LMNA: variants seen among roughly 807,000 people sequenced by gnomAD.
LMNA encodes lamin.
In LMNA, 20 loss-of-function variants were observed where a neutral mutation model predicts 70.4. The observed-to-expected ratio is 0.28, with a 90% CI of 0.20 to 0.41. LMNA has a LOEUF of 0.41. Among genes scored for constraint, LMNA ranks in the 10% least tolerant of loss-of-function variants. LMNA has a pLI of 1.00. For synonymous variants in LMNA, 339 were observed against 372.8 expected, an observed-to-expected ratio of 0.91 and a Z score of 1.04; for missense variants, 652 against 917.2, an observed-to-expected ratio of 0.71 and a Z score of 3.73.
At chr1:156,092,649 G>A (rs530939372) in intron 3 of LMNA, among the ~76,000 whole-genome samples, 6 of 150,608 alleles carry the variant, frequency 4.0e-5, no homozygotes, top group African/African-American at 1.5e-4. Flanking sequence ...ACTGCACTCC[G>A]GCTCTAGACA....
intron 2 of LMNA, among the ~76,000 whole-genome samples, chr1:156,087,193 T>C (rs1228239622): frequency 6.6e-6 from 1 of 152,104 alleles, no homozygotes; most frequent in Non-Finnish European, 1.5e-5. Context: ...CCTAGTTAGC[T>C]GAGCCTTCTC....
At chr1:156,123,051 A>T (rs986579929) in intron 1 of LMNA, 8 of 152,256 alleles carry the variant, frequency 5.3e-5, no homozygotes, top group African/African-American at 1.9e-4. Context: ...GGCAGAGTGG[A>T]GAGTGGACAG....
In LMNA at chr1:156,137,933, G is replaced by T; in HGVS notation, c.1698+190G>T. The T allele has an allele frequency of 7.2e-6, 9 of 1,243,032 alleles. No individual in the cohort carries two copies. Among genetic ancestry groups the T allele is most frequent in the Non-Finnish European group, 9.9e-6 (9 of 913,088 alleles). The allele number at this position is 1,243,032 out of a possible 1,614,324, so 77.0% of individuals were successfully genotyped here. ...GAACAGGGAACCCAGGTGTCTGGGT[G>T]CCCTACTCTGGTAAGGAAGGGAGTG... On this transcript the variant is annotated intron_variant, in intron 10 of 11. Coordinates refer to ENST00000368300, the MANE Select transcript of LMNA (RefSeq NM_170707.4). The surrounding 1 kb of genome is among the most constrained non-coding windows in gnomAD (Gnocchi z 4.6).
intron 1 of LMNA, among the ~76,000 whole-genome samples, chr1:156,119,286 T>G (rs1259623698): frequency 2.0e-5 from 3 of 152,054 alleles, no homozygotes; most frequent in African/African-American, 7.2e-5. Flanking sequence ...CCCAGTTAAT[T>G]TTTGTATTTT....
intron 1 of LMNA, among the ~76,000 whole-genome samples, chr1:156,121,790 T>C (rs1333272342): frequency 6.6e-6 from 1 of 152,008 alleles, no homozygotes; most frequent in Non-Finnish European, 1.5e-5. Flanking sequence ...GGGGTCCCAG[T>C]GTACTGATAG....
intron 2 of LMNA, among the ~76,000 whole-genome samples, chr1:156,088,842 TGGGGTTTCACC>T (rs1648583225): frequency 6.6e-6 from 1 of 152,036 alleles, no homozygotes; most frequent in Non-Finnish European, 1.5e-5. Context: ...TTAGTAGAGA[TGGGGTTTCACC>T]GTGTTAGCCA....
At chr1:156,125,033 C>T (rs540603929) in intron 1 of LMNA, among the ~76,000 whole-genome samples, 18 of 152,296 alleles carry the variant, frequency 1.2e-4, no homozygotes, top group South Asian at 4.2e-4. Flanking sequence ...TGAGCCTACC[C>T]GTCTCCAGGC....
At chr1:156,124,648 G>A (rs1260366236) in intron 1 of LMNA, among the ~76,000 whole-genome samples, 1 of 152,256 alleles carries the variant, frequency 6.6e-6, no homozygotes, top group African/African-American at 2.4e-5. Context: ...GCCAGGGAGG[G>A]GAATTCTCCA....
chr1:156,131,832 G>A (rs573612865), intron 2 of LMNA, among the ~76,000 whole-genome samples: 6 of 152,272 alleles, frequency 3.9e-5, no homozygotes, highest in African/African-American at 1.4e-4. Flanking sequence ...TATATAGAGT[G>A]GCCTTTACTT....
At chr1:156,129,833 T>C (rs1334620449) in intron 1 of LMNA, 1 of 766,972 alleles carries the variant, frequency 1.3e-6, no homozygotes, top group Admixed American at 1.7e-5. Flanking sequence ...GCAGGGAGGC[T>C]TAAAGCTGGG....
chr1:156,126,920 G>C (rs751596721), intron 1 of LMNA: 1 of 1,593,452 alleles, frequency 6.3e-7, no homozygotes, highest in Non-Finnish European at 8.5e-7. Flanking sequence ...TCCCCTGTGA[G>C]CACTAGAGGA....
rs777055343 is a variant in LMNA at position 156,138,676 on chromosome 1, G to A, written c.1887G>A (p.Val629=). Residue 629 remains valine (V), a synonymous_variant, in exon 11 of 12, where the codon GTG becomes GTA. Coordinates refer to ENST00000368300, the MANE Select transcript of LMNA (RefSeq NM_170707.4). This position sits in a 1 kb window ranked among gnomAD's most constrained non-coding sequence, Gnocchi z 5.5. ...SVTVTRSYRS[V]GGSGGGSFGD... ...CGGTCACTCGCAGCTACCGCAGTGT[G>A]GGGGGCAGTGGGGGTGGCAGCTTCG... 1 of 1,613,626 alleles carries A rather than the reference G, an allele frequency of 6.2e-7. No individual in the cohort carries two copies. Among genetic ancestry groups the A allele is most frequent in the Non-Finnish European group, 8.5e-7 (1 of 1,179,958 alleles).
intron 3 of LMNA, among the ~76,000 whole-genome samples, chr1:156,094,837 G>A (rs1648855821): frequency 6.6e-6 from 1 of 151,482 alleles, no homozygotes; most frequent in South Asian, 2.1e-4. Context: ...TCGGCTCACT[G>A]CAACCTCCGC....
At chr1:156,110,925 G>A (rs973494432), upstream of LMNA, among the ~76,000 whole-genome samples, 2 of 152,086 alleles carry the variant, frequency 1.3e-5, no homozygotes, top group African/African-American at 4.8e-5. Flanking sequence ...GCAGTGAGCC[G>A]AGATTGTGCC....
chr1:156,112,431 C>G (rs1483186446), upstream of LMNA, among the ~76,000 whole-genome samples: 1 of 152,128 alleles, frequency 6.6e-6, no homozygotes, highest in Non-Finnish European at 1.5e-5. Flanking sequence ...TGTGGTTTAG[C>G]TTTCCCAGCC....
intron 2 of LMNA, among the ~76,000 whole-genome samples, chr1:156,133,557 C>T (rs753769220): frequency 6.6e-6 from 1 of 151,312 alleles, no homozygotes; most frequent in African/African-American, 2.4e-5. Context: ...GGTGACAGAG[C>T]GAGACTCCAT....
At chr1:156,102,702 T>C (rs958109279) in intron 3 of LMNA, among the ~76,000 whole-genome samples, 2 of 151,944 alleles carry the variant, frequency 1.3e-5, no homozygotes, top group Non-Finnish European at 2.9e-5. Flanking sequence ...TTGGTTTCTG[T>C]GGGAATGTGA....
chr1:156,119,601 A>G (rs1269843328), intron 1 of LMNA, among the ~76,000 whole-genome samples: 5 of 152,200 alleles, frequency 3.3e-5, no homozygotes, highest in South Asian at 2.1e-4. Flanking sequence ...CTGTAGCCCA[A>G]GGGATTTGGA....
chr1:156,118,960 T>A (rs1650015365), intron 1 of LMNA, among the ~76,000 whole-genome samples: 1 of 152,090 alleles, frequency 6.6e-6, no homozygotes. Context: ...TCTCTTCTTT[T>A]TTTGAGACAG....
Sources: gnomAD v4.1 joint callset for allele counts (sites outside exome capture counted in the v4.1 genomes callset) on GRCh38, gnomAD v4.1.1 for gene constraint, Gnocchi (gnomAD v3.1) non-coding constraint, MANE v1.5 for transcripts, NCBI Gene and HGNC (gene_info 2026-07-23, HGNC 2026-07-21) for gene names.